BBS9: variants seen among roughly 807,000 people sequenced by gnomAD.
BBS9 encodes the protein Bardet-Biedl syndrome 9, also known as protein PTHB1.
BBS9 carries 89 observed loss-of-function variants against 117.7 expected under a neutral mutation model. The observed-to-expected ratio is 0.76, with a 90% CI of 0.64 to 0.90. The LOEUF (loss-of-function observed/expected upper bound fraction) is 0.90. Among genes scored for constraint, BBS9 ranks in the 40% least tolerant of loss-of-function variants. The probability of loss-of-function intolerance (pLI) is 0.00; values close to 1 mark genes in which losing one functional copy is unlikely to be tolerated. For missense variants in BBS9, 982 were observed against 1,042.2 expected (o/e 0.94, Z 0.80); for synonymous variants, 379 against 370.9 (o/e 1.02, Z -0.25).
intron 9 of BBS9, among the ~76,000 whole-genome samples, chr7:33,328,042 G>T (rs1813202721): frequency 6.6e-6 from 1 of 152,154 alleles, no homozygotes; most frequent in African/African-American, 2.4e-5. Flanking sequence ...TAGGGGGCTG[G>T]ATGTACATGT....
In BBS9 at chr7:33,405,987, T is replaced by A. The variant is rs544326133; in HGVS notation, c.2115+17843T>A. Among the ~76,000 whole-genome samples the A allele has an allele frequency of 5.5e-3, 841 of 152,322 alleles. 8 individuals carry two copies. Among genetic ancestry groups the A allele is most frequent in the African/African-American group, 0.018 (745 of 41,564 alleles). On this transcript the variant is annotated intron_variant, in intron 19 of 22. Transcript: ENST00000242067. ...GCTTTCTCTTGTGGGCATTTAGTGC[T>A]ATAAATTTCCCTCTACACACTGCTT...
At chr7:33,491,572 CTG>C (rs1479514706) in intron 19 of BBS9, among the ~76,000 whole-genome samples, 2 of 152,164 alleles carry the variant, frequency 1.3e-5, no homozygotes, top group East Asian at 3.9e-4. Flanking sequence ...TTGAGCCCTA[CTG>C]TGTGTTAGGC....
At chr7:33,510,627 C>G (rs905635506) in intron 20 of BBS9, among the ~76,000 whole-genome samples, 1 of 152,110 alleles carries the variant, frequency 6.6e-6, no homozygotes, top group African/African-American at 2.4e-5. Context: ...ACATTGCAAG[C>G]AAACATTCTA....
chr7:33,383,085 G>C (rs1825373656), intron 17 of BBS9, among the ~76,000 whole-genome samples: 1 of 152,134 alleles, frequency 6.6e-6, no homozygotes, highest in African/African-American at 2.4e-5. Flanking sequence ...GCTAGAAATT[G>C]GTCATCTTGG....
At chr7:33,472,937 A>G (rs969912352) in intron 19 of BBS9, among the ~76,000 whole-genome samples, 4 of 152,110 alleles carry the variant, frequency 2.6e-5, no homozygotes, top group Non-Finnish European at 5.9e-5. Flanking sequence ...CATCCCAAGA[A>G]CTCTTCTTCA....
At chr7:33,445,519 G>A (rs1256105225) in intron 19 of BBS9, among the ~76,000 whole-genome samples, 3 of 152,178 alleles carry the variant, frequency 2.0e-5, no homozygotes, top group African/African-American at 7.2e-5. Context: ...TAAGACCTCA[G>A]TGACCAGATT....
intron 19 of BBS9, among the ~76,000 whole-genome samples, chr7:33,499,331 A>C (rs1352021975): frequency 6.6e-6 from 1 of 152,222 alleles, no homozygotes; most frequent in Non-Finnish European, 1.5e-5. Context: ...CACTGACATA[A>C]AGCTGCTTGG....
intron 19 of BBS9, among the ~76,000 whole-genome samples, chr7:33,435,555 G>C (rs1477570066): frequency 6.6e-6 from 1 of 152,184 alleles, no homozygotes; most frequent in African/African-American, 2.4e-5. Context: ...ACTCAGAAAA[G>C]TAATGCCTTC....
In BBS9 at chr7:33,441,441, T is replaced by G. The variant is rs1192166558; in HGVS notation, c.2115+53297T>G. On this transcript the variant is annotated intron_variant, in intron 19 of 22. Transcript: ENST00000242067. ...TTTAATATTCATTTTTTATGTTCAT[T>G]GTTTTAATTCATCTATTCATAAAAT... 2.6e-5 allele frequency among the ~76,000 whole-genome samples: 4 copies of G among 152,222 alleles called. No individual in the cohort carries two copies. The East Asian group carries it at 7.7e-4, about 29-fold the overall frequency.
chr7:33,265,767 TG>T (rs1334498202), intron 7 of BBS9, among the ~76,000 whole-genome samples: 1 of 152,028 alleles, frequency 6.6e-6, no homozygotes, highest in South Asian at 2.1e-4. Flanking sequence ...CGCTTGAACC[TG>T]GGGGGCAGAG....
chr7:33,208,755 G>A (rs1787438692), intron 5 of BBS9, among the ~76,000 whole-genome samples: 1 of 151,978 alleles, frequency 6.6e-6, no homozygotes, highest in South Asian at 2.1e-4. Context: ...GAGGGTAGGG[G>A]GAAGTGGGTG....
chr7:33,433,687 G>A (rs534550994), intron 19 of BBS9, among the ~76,000 whole-genome samples: 27 of 152,134 alleles, frequency 1.8e-4, no homozygotes, highest in African/African-American at 5.3e-4. Context: ...TCATAGAAGA[G>A]ACTTCTTTGT....
chr7:33,544,353 T>C (rs1022163616), intron 21 of BBS9, among the ~76,000 whole-genome samples: 1 of 152,212 alleles, frequency 6.6e-6, no homozygotes, highest in African/African-American at 2.4e-5. Context: ...GGCTGAAAGC[T>C]GTTGTTCAGA....
intron 10 of BBS9, among the ~76,000 whole-genome samples, chr7:33,340,312 A>G (rs1816248431): frequency 6.6e-6 from 1 of 152,186 alleles, no homozygotes; most frequent in Non-Finnish European, 1.5e-5. Flanking sequence ...GTTAATAGAT[A>G]TATTTTGGAG....
At chr7:33,369,091 A>G (rs944009755) in intron 17 of BBS9, among the ~76,000 whole-genome samples, 1 of 152,222 alleles carries the variant, frequency 6.6e-6, no homozygotes, top group African/African-American at 2.4e-5. Context: ...TTTCAAATGT[A>G]TAGTTCAATA....
chr7:33,527,373 C>G (rs1456459200), intron 20 of BBS9, among the ~76,000 whole-genome samples: 2 of 152,168 alleles, frequency 1.3e-5, no homozygotes, highest in East Asian at 1.9e-4. Flanking sequence ...AGTGTGATCT[C>G]AGACTGCTGT....
Position 33,257,242 on chromosome 7 carries a change from A to G in BBS9, c.449A>G (p.Asp150Gly). 6.2e-7 allele frequency: 1 copy of G among 1,609,270 alleles called. No individual in the cohort carries two copies. The highest frequency in any genetic ancestry group is 1.1e-5 in the South Asian group (1 of 90,384). The change falls in exon 6 of 23, where the codon GAT becomes GGT. Residue 150 changes from aspartate (D) to glycine (G), a missense_variant. By Grantham distance (94) the Asp-to-Gly change is moderately conservative (BLOSUM62 -1). Transcript: ENST00000242067. ...TTCTCTAATTCTTCTTTAGGTCGAGATTTAATTTGCATCCAGTCTATGGAT... is the reference window on the plus strand; with the variant it reads ...TTCTCTAATTCTTCTTTAGGTCGAGGTTTAATTTGCATCCAGTCTATGGAT... ...YGSFGGVKGR[D>G]LICIQSMDGM...
intron 9 of BBS9, among the ~76,000 whole-genome samples, chr7:33,286,684 G>T (rs1802958907): frequency 6.6e-6 from 1 of 152,042 alleles, no homozygotes; most frequent in African/African-American, 2.4e-5. Flanking sequence ...ATTTATTTGT[G>T]TGTGGGGGGC....
intron 21 of BBS9, among the ~76,000 whole-genome samples, chr7:33,584,690 G>C (rs1256885376): frequency 6.6e-6 from 1 of 152,052 alleles, no homozygotes; most frequent in Non-Finnish European, 1.5e-5. Context: ...ATGATTCTGA[G>C]TTTGAATTAC....
Sources: allele counts gnomAD v4.1 joint callset (sites outside exome capture counted in the v4.1 genomes callset), GRCh38; gene constraint gnomAD v4.1.1; transcripts MANE v1.5; gene names NCBI Gene and HGNC (gene_info 2026-07-23, HGNC 2026-07-21).